The following SNX29 variants were observed in gnomAD, a reference collection of about 807,000 sequenced individuals.
SNX29 encodes sorting nexin 29, also known as sorting nexin-29.
Under a neutral mutation model 102.1 loss-of-function variants are expected in SNX29, and 78 were observed. That is an observed-to-expected ratio of 0.76 (90% CI 0.64 to 0.92). SNX29 has a LOEUF of 0.92. Ranked by LOEUF, SNX29 falls within the 40% of genes least tolerant of loss-of-function variation. The pLI is 0.00. For missense variants in SNX29, 1,280 were observed against 1,061.7 expected, an observed-to-expected ratio of 1.21 and a Z score of -2.86; for synonymous variants, 580 against 414.5, an observed-to-expected ratio of 1.40 and a Z score of -4.85.
chr16:12,101,221 T>C (rs1239671161), intron 11 of SNX29, among the ~76,000 whole-genome samples: 1 of 151,984 alleles, frequency 6.6e-6, no homozygotes, highest in Non-Finnish European at 1.5e-5. Context: ...GCAGCCTATT[T>C]TGTTCTCTCC....
At chr16:12,383,461 G>C (rs1315008925) in intron 16 of SNX29, among the ~76,000 whole-genome samples, 1 of 151,886 alleles carries the variant, frequency 6.6e-6, no homozygotes, top group African/African-American at 2.4e-5. Flanking sequence ...TTTTGGGACA[G>C]AGTCTCGCTC....
At chr16:12,525,302 A>G (rs1385397167) in intron 20 of SNX29, among the ~76,000 whole-genome samples, 1 of 151,936 alleles carries the variant, frequency 6.6e-6, no homozygotes, top group Non-Finnish European at 1.5e-5. Flanking sequence ...AATATTATTT[A>G]AATGCCTTCT....
At chr16:12,318,224 A>C (rs1001983208) in intron 15 of SNX29, among the ~76,000 whole-genome samples, 3 of 152,214 alleles carry the variant, frequency 2.0e-5, no homozygotes, top group East Asian at 1.9e-4. Context: ...GGGAGCCTGC[A>C]TGTTCTTGCT....
chr16:12,213,622 C>A (rs1419608110), intron 14 of SNX29, among the ~76,000 whole-genome samples: 6 of 152,142 alleles, frequency 3.9e-5, no homozygotes, highest in Non-Finnish European at 7.3e-5. Context: ...TGTGGAAGGT[C>A]ACAGCACATT....
intron 15 of SNX29, among the ~76,000 whole-genome samples, chr16:12,312,853 TAA>T (rs2151141967): frequency 6.6e-6 from 1 of 152,248 alleles, no homozygotes; most frequent in South Asian, 2.1e-4. Context: ...GTGACCATTC[TAA>T]AACAACCAGT....
At position 12,538,458 on chromosome 16, in the gene SNX29, G is replaced by A. The variant is rs555785094; in HGVS notation, c.2318+13617G>A. ...AATGGTTACTTGGTTTGGTTATCAC[G>A]TATCTCCTATGTTGATGCTGTGTAA... On this transcript the variant is annotated intron_variant, in intron 20 of 20. Coordinates refer to ENST00000566228, the MANE Select transcript of SNX29 (RefSeq NM_032167.5). Among the ~76,000 whole-genome samples, 155 of 152,226 alleles carry A rather than the reference G, an allele frequency of 1.0e-3. 1 individual carries two copies. Among genetic ancestry groups the A allele is most frequent in the African/African-American group, 3.3e-3 (138 of 41,534 alleles).
chr16:12,563,533 G>C (rs1159385999), intron 20 of SNX29, among the ~76,000 whole-genome samples: 5 of 152,184 alleles, frequency 3.3e-5, no homozygotes, highest in African/African-American at 7.2e-5. Context: ...AAATTGAGTT[G>C]TCTCCCACCA....
chr16:12,477,555 A>G (rs1750096759), intron 18 of SNX29, among the ~76,000 whole-genome samples, 164 bp from the exon 19 acceptor site: 1 of 152,216 alleles, frequency 6.6e-6, no homozygotes, highest in African/African-American at 2.4e-5. Context: ...CTGTTCAGCT[A>G]GCACTAATAA....
chr16:12,471,379 A>G (rs536333891), intron 18 of SNX29, among the ~76,000 whole-genome samples: 31 of 152,256 alleles, frequency 2.0e-4, no homozygotes, highest in African/African-American at 6.5e-4. Context: ...TCCTCTTCCA[A>G]AGACTTAGCC....
intron 20 of SNX29, among the ~76,000 whole-genome samples, chr16:12,565,717 T>G (rs55950589): frequency 0.018 from 2,692 of 152,322 alleles, 55 homozygotes; most frequent in East Asian, 0.072. Flanking sequence ...GGGCCGGGTC[T>G]GCCCGGCTAC....
chr16:12,485,665 C>T (rs968781415), intron 19 of SNX29, among the ~76,000 whole-genome samples: 3 of 152,008 alleles, frequency 2.0e-5, no homozygotes, highest in African/African-American at 7.3e-5. Context: ...CAAATGTGTA[C>T]CGAGTGCAGG....
intron 16 of SNX29, among the ~76,000 whole-genome samples, chr16:12,364,960 G>C (rs1038718201): frequency 6.6e-6 from 1 of 152,046 alleles, no homozygotes; most frequent in African/African-American, 2.4e-5. Flanking sequence ...TGTGTGTTTG[G>C]TGTGCATTTT....
At chr16:12,494,330 C>T (rs952110909) in intron 19 of SNX29, among the ~76,000 whole-genome samples, 1 of 152,186 alleles carries the variant, frequency 6.6e-6, no homozygotes, top group Admixed American at 6.5e-5. Flanking sequence ...TTGGTGCACA[C>T]GCTTGTTTAA....
At chr16:12,145,970 T>G (rs2055050129) in intron 13 of SNX29, among the ~76,000 whole-genome samples, 1 of 152,266 alleles carries the variant, frequency 6.6e-6, no homozygotes, top group Admixed American at 6.5e-5. Context: ...AAGGTAAGCA[T>G]GTTTGTAAAG....
At position 12,556,922 on chromosome 16, in the gene SNX29, G is replaced by A. The variant is rs563306633; in HGVS notation, c.2319-11584G>A. The stretch of plus-strand genomic sequence containing the variant: ...ACCTTGAGTGTAGTGGCATGATCTC[G>A]GCTCACTACAGCCTCTGCCGCTCAG... On this transcript the variant is annotated intron_variant, in intron 20 of 20. Coordinates refer to ENST00000566228, the MANE Select transcript of SNX29 (RefSeq NM_032167.5). Among the ~76,000 whole-genome samples the A allele has an allele frequency of 4.8e-5, 6 of 125,252 alleles. No homozygotes were observed. The South Asian group carries it at 8.3e-4, about 17-fold the overall frequency. 82.2% of individuals were successfully genotyped at this position (125,252 alleles called of 152,430 possible).
At chr16:12,560,900 T>C (rs397978739) in intron 20 of SNX29, 2 of 193,894 alleles carry the variant, frequency 1.0e-5, no homozygotes, top group Non-Finnish European at 2.1e-5. Context: ...CAGTGGCTTT[T>C]TTAATCCTTT....
intron 16 of SNX29, among the ~76,000 whole-genome samples, chr16:12,369,207 C>G (rs2082594229): frequency 6.6e-6 from 1 of 151,746 alleles, no homozygotes; most frequent in Non-Finnish European, 1.5e-5. Context: ...TCGATCTCGG[C>G]TCACTACAAC....
rs564159236 is a variant in SNX29, at chr16:12,538,652, CAG to C, written c.2318+13813_2318+13814del. On this transcript the variant is annotated intron_variant, in intron 20 of 20. Coordinates refer to ENST00000566228, the MANE Select transcript of SNX29 (RefSeq NM_032167.5). ...AGAATGGAAAAACTGGGCTGTGAAA[CAG>C]AAAGATCCACAGATCTTTCATCCTC... Among the ~76,000 whole-genome samples, 729 of 152,238 alleles carry C rather than the reference CAG, an allele frequency of 4.8e-3. 5 individuals carry two copies. Among genetic ancestry groups the C allele is most frequent in the South Asian group, 0.014 (66 of 4,826 alleles).
Position 12,424,717 on chromosome 16 carries a change from C to T in SNX29, c.2037+21188C>T, listed in dbSNP as rs961059868. On this transcript the variant is annotated intron_variant, in intron 18 of 20. Coordinates refer to ENST00000566228, the MANE Select transcript of SNX29 (RefSeq NM_032167.5). ...CTTGTTGTTCCGAGTGGAGTTCTAT[C>T]TGGGGGGATACCTGTAACAGACAGT... Among the ~76,000 whole-genome samples, 5 of 152,140 alleles carry T rather than the reference C, an allele frequency of 3.3e-5. No individual in the cohort carries two copies. In the East Asian group the frequency reaches 5.8e-4, roughly 18 times the overall value.
Sources: allele counts gnomAD v4.1 joint callset (sites outside exome capture counted in the v4.1 genomes callset), GRCh38; gene constraint gnomAD v4.1.1; transcripts MANE v1.5; gene names NCBI Gene and HGNC (gene_info 2026-07-23, HGNC 2026-07-21).